The following ZNF385B variants were observed in gnomAD, a reference collection of about 807,000 sequenced individuals.
The protein encoded by ZNF385B is zinc finger protein 385B, also known as zinc finger protein 533.
ZNF385B carries 23 observed loss-of-function variants against 39.2 expected under a neutral mutation model. That is an observed-to-expected ratio of 0.59 (90% CI 0.42 to 0.83). The LOEUF (loss-of-function observed/expected upper bound fraction) is 0.83, where lower values mean the gene tolerates loss of function less well. Among genes scored for constraint, ZNF385B ranks in the 40% least tolerant of loss-of-function variants. The pLI is 0.00. For missense variants in ZNF385B, 552 were observed against 598.9 expected (o/e 0.92, Z 0.82); for synonymous variants, 205 against 222.6 (o/e 0.92, Z 0.70).
intron 1 of ZNF385B, among the ~76,000 whole-genome samples, chr2:179,771,838 A>C (rs886638015): frequency 3.3e-5 from 5 of 152,220 alleles, no homozygotes; most frequent in Non-Finnish European, 5.9e-5. Context: ...ACTATCTAGA[A>C]AACTAATCCA....
intron 1 of ZNF385B, among the ~76,000 whole-genome samples, chr2:179,834,971 A>G (rs1277565714): frequency 2.6e-5 from 4 of 152,192 alleles, no homozygotes; most frequent in African/African-American, 9.7e-5. Flanking sequence ...CTCTTCAAAA[A>G]TGTCAATATC....
At chr2:179,561,054 CATT>C (rs1261094955) in intron 3 of ZNF385B, among the ~76,000 whole-genome samples, 2 of 152,200 alleles carry the variant, frequency 1.3e-5, no homozygotes, top group African/African-American at 4.8e-5. Flanking sequence ...GGAAATTCAT[CATT>C]GTGTCCTGGG....
chr2:179,664,088 T>C (rs1694845697), intron 3 of ZNF385B, among the ~76,000 whole-genome samples: 1 of 149,612 alleles, frequency 6.7e-6, no homozygotes, highest in Non-Finnish European at 1.5e-5. Flanking sequence ...AAGCAAGTGG[T>C]TCTTTTGGTT....
intron 6 of ZNF385B, among the ~76,000 whole-genome samples, chr2:179,479,232 G>A (rs1280602035): frequency 2.6e-5 from 4 of 152,084 alleles, no homozygotes; most frequent in African/African-American, 9.7e-5. Flanking sequence ...GAATCATGTA[G>A]TTAGAACTTC....
At chr2:179,705,940 C>A (rs1430195709) in intron 3 of ZNF385B, among the ~76,000 whole-genome samples, 2 of 152,192 alleles carry the variant, frequency 1.3e-5, no homozygotes, top group African/African-American at 4.8e-5. Flanking sequence ...CTCTCTCTGT[C>A]CCCTTTCTCC....
chr2:179,806,490 C>A (rs752815096), intron 1 of ZNF385B, among the ~76,000 whole-genome samples: 1 of 152,114 alleles, frequency 6.6e-6, no homozygotes, highest in Non-Finnish European at 1.5e-5. Context: ...TTTTCCATCC[C>A]GGTCTTTGCA....
intron 5 of ZNF385B, among the ~76,000 whole-genome samples, chr2:179,484,863 A>C (rs1313533865): frequency 6.6e-6 from 1 of 152,202 alleles, no homozygotes; most frequent in East Asian, 1.9e-4. Flanking sequence ...CACTAGTAGC[A>C]AAGAGTACGT....
At chr2:179,464,725 G>A (rs1202076894) in intron 6 of ZNF385B, among the ~76,000 whole-genome samples, 1 of 152,158 alleles carries the variant, frequency 6.6e-6, no homozygotes, top group African/African-American at 2.4e-5. Context: ...TTTGGTACCA[G>A]TACCATGCCG....
At chr2:179,781,078 A>G (rs558002705) in intron 1 of ZNF385B, among the ~76,000 whole-genome samples, 7 of 152,282 alleles carry the variant, frequency 4.6e-5, no homozygotes, top group Admixed American at 3.9e-4. Context: ...TCCCCAATTA[A>G]TCTGTAGATT....
At chr2:179,617,579 A>T (rs925054802) in intron 3 of ZNF385B, among the ~76,000 whole-genome samples, 2 of 152,158 alleles carry the variant, frequency 1.3e-5, no homozygotes, top group Non-Finnish European at 2.9e-5. Flanking sequence ...GCTTATTAAA[A>T]CACAGACTGG....
intron 3 of ZNF385B, among the ~76,000 whole-genome samples, chr2:179,581,393 C>A (rs780487224): frequency 6.6e-6 from 1 of 152,130 alleles, no homozygotes; most frequent in Non-Finnish European, 1.5e-5. Context: ...AATAGAAGAT[C>A]TTATTTTTTG....
At chr2:179,634,845 C>A (rs1437008668) in intron 3 of ZNF385B, among the ~76,000 whole-genome samples, 1 of 152,028 alleles carries the variant, frequency 6.6e-6, no homozygotes, top group Non-Finnish European at 1.5e-5. Context: ...AAATGTGGCA[C>A]ATGGCCGGTC....
At chr2:179,689,768 C>T (rs1698202297) in intron 3 of ZNF385B, among the ~76,000 whole-genome samples, 1 of 147,002 alleles carries the variant, frequency 6.8e-6, no homozygotes. Flanking sequence ...TGAAGAAGAG[C>T]GTGAGGGCAG....
intron 3 of ZNF385B, among the ~76,000 whole-genome samples, chr2:179,594,899 T>C (rs977568468): frequency 6.6e-6 from 1 of 151,914 alleles, no homozygotes; most frequent in Admixed American, 6.6e-5. Context: ...CTCAACCTCC[T>C]GGACTTAAGC....
chr2:179,536,283 G>C (rs1228192380), intron 4 of ZNF385B: 2 of 151,752 alleles, frequency 1.3e-5, no homozygotes, highest in Non-Finnish European at 2.9e-5. Flanking sequence ...TTAAGAAGAG[G>C]GCCCAACATA....
chr2:179,488,138 A>G (rs923354183), intron 5 of ZNF385B, among the ~76,000 whole-genome samples: 1 of 151,602 alleles, frequency 6.6e-6, no homozygotes, highest in East Asian at 1.9e-4. Flanking sequence ...TACCTTACTT[A>G]TTTCTTTTCT....
intron 3 of ZNF385B, among the ~76,000 whole-genome samples, chr2:179,630,085 G>C (rs1691055178): frequency 6.6e-6 from 1 of 152,246 alleles, no homozygotes; most frequent in Non-Finnish European, 1.5e-5. Context: ...CTGCGGGCAG[G>C]GCATGGCTGA....
chr2:179,449,179 A>G (rs1287720782), intron 6 of ZNF385B, among the ~76,000 whole-genome samples: 4 of 152,154 alleles, frequency 2.6e-5, no homozygotes, highest in Non-Finnish European at 5.9e-5. Flanking sequence ...ACAGTCATTC[A>G]AAGATCTCTA....
At chr2:179,645,233 T>A (rs573534360) in intron 3 of ZNF385B, among the ~76,000 whole-genome samples, 1 of 152,332 alleles carries the variant, frequency 6.6e-6, no homozygotes, top group Non-Finnish European at 1.5e-5. Flanking sequence ...CCAGGAATCA[T>A]GTATTGTGAC....
Sources: gnomAD v4.1 joint callset for allele counts (sites outside exome capture counted in the v4.1 genomes callset) on GRCh38, gnomAD v4.1.1 for gene constraint, MANE v1.5 for transcripts, NCBI Gene and HGNC (gene_info 2026-07-23, HGNC 2026-07-21) for gene names.